SLC25A36: variants seen among roughly 807,000 people sequenced by gnomAD.
SLC25A36 encodes the protein epididymis secretory sperm binding protein.
SLC25A36 carries 24 observed loss-of-function variants against 35.3 expected under a neutral mutation model. The observed-to-expected ratio is 0.68, with a 90% CI of 0.49 to 0.96. The LOEUF (loss-of-function observed/expected upper bound fraction) is 0.96, where lower values mean the gene tolerates loss of function less well. Ranked by LOEUF, SLC25A36 falls within the 40% of genes least tolerant of loss-of-function variation. SLC25A36 has a pLI of 0.00. For synonymous variants in SLC25A36, 141 were observed against 132.2 expected, an observed-to-expected ratio of 1.07 and a Z score of -0.46; for missense variants, 294 against 381.1, an observed-to-expected ratio of 0.77 and a Z score of 1.90.
In SLC25A36 at chr3:140,954,112, A is replaced by G. The variant is rs144877073; in HGVS notation, c.42-2415A>G. 3.4e-3 allele frequency among the ~76,000 whole-genome samples: 519 copies of G among 152,336 alleles called. 4 individuals are homozygous for G. Among genetic ancestry groups the G allele is most frequent in the African/African-American group, 0.012 (497 of 41,572 alleles). On this transcript the variant is annotated intron_variant, in intron 1 of 6. Transcript: ENST00000324194. ...CTGTTCCTCTCATTTTGCCTTTTCT[A>G]GAATATCATAAAAGTGTTTGCTTAA...
chr3:140,957,222 C>CG (rs1194749718), intron 2 of SLC25A36, among the ~76,000 whole-genome samples: 1 of 152,138 alleles, frequency 6.6e-6, no homozygotes, highest in Non-Finnish European at 1.5e-5. Context: ...AATTTCAAAA[C>CG]TATTAAAATT....
At chr3:140,951,070 G>T in intron 1 of SLC25A36, among the ~76,000 whole-genome samples, 1 of 152,106 alleles carries the variant, frequency 6.6e-6, no homozygotes, top group South Asian at 2.1e-4. Flanking sequence ...GCCTCCTAGG[G>T]ATTCTGCAGG....
intron 4 of SLC25A36, among the ~76,000 whole-genome samples, chr3:140,969,375 A>G (rs1458693330): frequency 1.3e-5 from 2 of 151,904 alleles, no homozygotes; most frequent in Non-Finnish European, 2.9e-5. Flanking sequence ...TCAGTTTAGT[A>G]CCTGCTGATG....
Position 140,967,966 on chromosome 3 carries a change from T to C in SLC25A36, c.386-2961T>C, listed in dbSNP as rs1056875457. 13 of 984,604 alleles carry C rather than the reference T, an allele frequency of 1.3e-5. No homozygotes were observed. In the African/African-American group the frequency reaches 2.3e-4, roughly 17 times the overall value. The allele number at this position is 984,604 out of a possible 1,614,324, so 61.0% of individuals were successfully genotyped here. On this transcript the variant is annotated intron_variant, in intron 4 of 6. Coordinates refer to ENST00000324194, the MANE Select transcript of SLC25A36 (RefSeq NM_001104647.3). ...TTATGAAAATGTCACAAAATTAAAA[T>C]GCAAAATAAAAAGTAATAGGCAATT...
intron 2 of SLC25A36, among the ~76,000 whole-genome samples, chr3:140,958,964 G>A (rs1158813396): frequency 6.8e-5 from 5 of 73,526 alleles, no homozygotes; most frequent in South Asian, 4.8e-4. Context: ...AATGTTTTGT[G>A]TGTGTGTGTG....
chr3:140,976,183 A>G, intron 6 of SLC25A36, 77 bp from the exon 7 acceptor site: 2 of 968,964 alleles, frequency 2.1e-6, no homozygotes, highest in African/African-American at 1.6e-5. Context: ...ACAGACTGAT[A>G]AATGGGATGT....
At chr3:140,966,844 A>G in intron 4 of SLC25A36, 1 of 427,958 alleles carries the variant, frequency 2.3e-6, no homozygotes, top group Non-Finnish European at 4.8e-6. Context: ...ATATTTCTCA[A>G]ATCCTTCCAA....
At chr3:140,955,034 G>C (rs1934440180) in intron 1 of SLC25A36, among the ~76,000 whole-genome samples, 1 of 151,990 alleles carries the variant, frequency 6.6e-6, no homozygotes. Context: ...TGTGAGGTAA[G>C]GGGCATGTTT....
chr3:140,977,048 G>A lies in SLC25A36; in HGVS notation c.*595G>A, dbSNP rs764133514. On this transcript the variant is annotated 3_prime_UTR_variant, in exon 7 of 7. Coordinates refer to ENST00000324194, the MANE Select transcript of SLC25A36 (RefSeq NM_001104647.3). ...GTTTTGGTTTCCACTGCTGACAGGT[G>A]CTTGTTGTTTAGCCTAATGTGGATA... The A allele has an allele frequency of 2.6e-5, 4 of 152,162 alleles. No individual in the cohort carries two copies. Among genetic ancestry groups the A allele is most frequent in the Non-Finnish European group, 5.9e-5 (4 of 68,030 alleles). The allele number at this position is 152,162 out of a possible 1,614,324, so 9.4% of individuals were successfully genotyped here.
chr3:140,980,846 G>T lies in SLC25A36; in HGVS notation c.*4393G>T, dbSNP rs537889335. On this transcript the variant is annotated 3_prime_UTR_variant, in exon 7 of 7. Transcript: ENST00000324194. ...ACTTCCCTTCTGTTTCTTTATTTTC[G>T]CACTGTGTAGACCAGCTGACTGCCT... Among the ~76,000 whole-genome samples, 48 of 151,864 alleles carry T rather than the reference G, an allele frequency of 3.2e-4. No homozygotes were observed. In the South Asian group the frequency reaches 0.01, roughly 32 times the overall value.
intron 6 of SLC25A36, among the ~76,000 whole-genome samples, chr3:140,974,385 C>T (rs774774048): frequency 5.3e-5 from 8 of 152,014 alleles, no homozygotes; most frequent in South Asian, 2.1e-4. Flanking sequence ...TATGCTAGAA[C>T]ATAACCAGAA....
chr3:140,955,260 T>G (rs1293272845), intron 1 of SLC25A36, among the ~76,000 whole-genome samples: 2 of 151,736 alleles, frequency 1.3e-5, no homozygotes, highest in South Asian at 2.1e-4. Flanking sequence ...TGTGTGTGTG[T>G]TTTTTTTATT....
chr3:140,954,262 A>G (rs1219459802), intron 1 of SLC25A36, among the ~76,000 whole-genome samples: 5 of 152,244 alleles, frequency 3.3e-5, no homozygotes, highest in East Asian at 3.8e-4. Flanking sequence ...ATTCTATTAT[A>G]TAGTTGTACC....
rs1935054016 is a variant in SLC25A36 at position 140,976,602 on chromosome 3, A to G, written c.*149A>G. ...GAAGTTTTGTTGTAGGAATTATAGT[A>G]ATCACACCACATTACTTGGCCTTTC... On this transcript the variant is annotated 3_prime_UTR_variant, in exon 7 of 7. Transcript: ENST00000324194. The G allele has an allele frequency of 1.9e-6, 1 of 532,230 alleles. No homozygotes were observed. The highest frequency in any genetic ancestry group is 3.3e-5 in the East Asian group (1 of 30,578). 33.0% of individuals were successfully genotyped at this position (532,230 alleles called of 1,614,324 possible). A position where few individuals can be genotyped will look rare whatever the true frequency, so the allele number is the denominator to read the frequency against.
chr3:140,967,832 CTG>C (rs1576486216), intron 4 of SLC25A36: 1 of 244,370 alleles, frequency 4.1e-6, no homozygotes, highest in African/African-American at 2.3e-5. Context: ...CTTTAACTGA[CTG>C]TGGAGCAATA....
At chr3:140,954,439 T>C (rs1226836406) in intron 1 of SLC25A36, among the ~76,000 whole-genome samples, 1 of 152,216 alleles carries the variant, frequency 6.6e-6, no homozygotes, top group Non-Finnish European at 1.5e-5. Context: ...GGCAGTGTTA[T>C]GTTTAACTCT....
intron 4 of SLC25A36, chr3:140,967,175 C>T: frequency 2.5e-6 from 1 of 405,714 alleles, no homozygotes; most frequent in South Asian, 1.8e-5. Context: ...AGTCTGATTC[C>T]TTTATAATAT....
chr3:140,948,834 A>G (rs1415584575), intron 1 of SLC25A36, among the ~76,000 whole-genome samples: 1 of 152,224 alleles, frequency 6.6e-6, no homozygotes, highest in Non-Finnish European at 1.5e-5. Flanking sequence ...GCTTAGGACT[A>G]TCCAGTCAAT....
intron 6 of SLC25A36, among the ~76,000 whole-genome samples, chr3:140,975,525 C>T (rs1261321755): frequency 1.3e-5 from 2 of 152,082 alleles, no homozygotes; most frequent in East Asian, 1.9e-4. Context: ...ATCTGGAATA[C>T]TGTGCTGAAA....
Sources: gnomAD v4.1 joint callset for allele counts (sites outside exome capture counted in the v4.1 genomes callset) on GRCh38, gnomAD v4.1.1 for gene constraint, MANE v1.5 for transcripts, NCBI Gene and HGNC (gene_info 2026-07-23, HGNC 2026-07-21) for gene names.